The following E2F3 variants were observed in gnomAD, a reference collection of about 807,000 sequenced individuals.
E2F3 encodes transcription factor E2F3.
Under a neutral mutation model 44.4 loss-of-function variants are expected in E2F3, and 11 were observed. The ratio of observed to expected loss-of-function variants is 0.25; its 90% CI spans 0.16 to 0.41. The LOEUF is 0.41. Ranked by LOEUF, E2F3 falls within the 10% of genes least tolerant of loss-of-function variation. E2F3 has a pLI of 1.00. For missense variants in E2F3, 487 were observed against 583.6 expected (o/e 0.83, Z 1.70); for synonymous variants, 249 against 253.0 (o/e 0.98, Z 0.15).
intron 1 of E2F3, among the ~76,000 whole-genome samples, chr6:20,446,058 C>T (rs911842863): frequency 6.6e-6 from 1 of 152,156 alleles, no homozygotes; most frequent in African/African-American, 2.4e-5. Context: ...TGGGAGGAAC[C>T]CTGAGGACCC....
chr6:20,478,374 A>G (rs2127619174), intron 1 of E2F3, among the ~76,000 whole-genome samples: 1 of 152,348 alleles, frequency 6.6e-6, no homozygotes, highest in Admixed American at 6.5e-5. Context: ...AGCACATGTC[A>G]GTTTGGATGA....
chr6:20,436,304 G>C (rs115863032), intron 1 of E2F3, among the ~76,000 whole-genome samples: 4,163 of 152,218 alleles, frequency 0.027, 90 homozygotes, highest in African/African-American at 0.064. Context: ...TTACGATAGA[G>C]GAATGTTTGA....
intron 1 of E2F3, among the ~76,000 whole-genome samples, chr6:20,460,841 C>A (rs1761477785): frequency 6.6e-6 from 1 of 151,482 alleles, no homozygotes; most frequent in Non-Finnish European, 1.5e-5. Context: ...ACTAAAAATA[C>A]AAAAATTAGC....
chr6:20,443,354 T>C (rs1760836194), intron 1 of E2F3, among the ~76,000 whole-genome samples: 1 of 152,194 alleles, frequency 6.6e-6, no homozygotes, highest in Non-Finnish European at 1.5e-5. Context: ...AATCCCCAGT[T>C]TGGGATTATT....
chr6:20,478,030 C>CAA (rs34033254), intron 1 of E2F3, among the ~76,000 whole-genome samples: 1 of 142,358 alleles, frequency 7.0e-6, no homozygotes, highest in Admixed American at 7.0e-5. Context: ...CATCTCTACC[C>CAA]AAAAAAAAAA....
intron 1 of E2F3, among the ~76,000 whole-genome samples, chr6:20,462,370 C>T (rs1211677606): frequency 1.3e-5 from 2 of 151,806 alleles, no homozygotes; most frequent in Non-Finnish European, 2.9e-5. Context: ...ATGACATCTT[C>T]ATGTATGTGT....
intron 1 of E2F3, among the ~76,000 whole-genome samples, chr6:20,423,580 C>G (rs930601548): frequency 6.6e-6 from 1 of 151,938 alleles, no homozygotes; most frequent in South Asian, 2.1e-4. Flanking sequence ...AACCGATTCT[C>G]CTGCCTCAGC....
At chr6:20,457,733 T>G (rs1173867156) in intron 1 of E2F3, among the ~76,000 whole-genome samples, 1 of 152,186 alleles carries the variant, frequency 6.6e-6, no homozygotes, top group African/African-American at 2.4e-5. Context: ...CTTCCTATAA[T>G]CATTGAGCTG....
chr6:20,424,565 T>C (rs1201175166), intron 1 of E2F3, among the ~76,000 whole-genome samples: 1 of 151,376 alleles, frequency 6.6e-6, no homozygotes, highest in African/African-American at 2.4e-5. Flanking sequence ...TTGCTATAGA[T>C]AAGGAAAATC....
rs1258863577 is a variant in E2F3, at chr6:20,489,708, C to T, written c.1136-460C>T. On this transcript the variant is annotated intron_variant, in intron 6 of 6. Coordinates refer to ENST00000346618, the MANE Select transcript of E2F3 (RefSeq NM_001949.5). ...AAAGAAAGATGGCCAGGCATGGTGG[C>T]TCACACCTGTAATTTCAGCACTTTG... is the stretch of plus-strand genomic sequence containing the variant. Among the ~76,000 whole-genome samples, 5 of 152,092 alleles carry T rather than the reference C, an allele frequency of 3.3e-5. No individual in the cohort carries two copies. The East Asian group carries it at 9.8e-4, about 30-fold the overall frequency.
In E2F3 at chr6:20,491,092, A is replaced by G. The variant is rs1398307271; in HGVS notation, c.*662A>G. Reference sequence around the variant, plus strand: ...CAAATATACTTGTTGCAGATACAGAAGACTAGTAGAGTTCTGCCACTCTAA... The same window carrying G: ...CAAATATACTTGTTGCAGATACAGAGGACTAGTAGAGTTCTGCCACTCTAA... On this transcript the variant is annotated 3_prime_UTR_variant, in exon 7 of 7. Transcript: ENST00000346618. 3 of 231,118 alleles carry G rather than the reference A, an allele frequency of 1.3e-5. No homozygotes were observed. Among genetic ancestry groups the G allele is most frequent in the Non-Finnish European group, 2.6e-5 (3 of 116,430 alleles). 14.3% of individuals were successfully genotyped at this position (231,118 alleles called of 1,614,324 possible).
intron 5 of E2F3, among the ~76,000 whole-genome samples, chr6:20,487,466 A>G (rs1374329928): frequency 1.3e-5 from 2 of 152,210 alleles, no homozygotes; most frequent in Admixed American, 6.5e-5. Context: ...GGTATGCTGC[A>G]TTCTCTTAAT....
At chr6:20,459,288 G>C (rs1761419755) in intron 1 of E2F3, among the ~76,000 whole-genome samples, 1 of 152,048 alleles carries the variant, frequency 6.6e-6, no homozygotes, top group Non-Finnish European at 1.5e-5. Flanking sequence ...AACAAAAAAA[G>C]GTCATATAGC....
At chr6:20,476,176 C>G (rs1453259235) in intron 1 of E2F3, among the ~76,000 whole-genome samples, 2 of 152,074 alleles carry the variant, frequency 1.3e-5, no homozygotes, top group African/African-American at 4.8e-5. Flanking sequence ...TCAAGAAGAT[C>G]CTGGCTAACA....
intron 1 of E2F3, among the ~76,000 whole-genome samples, chr6:20,458,078 G>T (rs1283579977): frequency 6.6e-6 from 1 of 152,018 alleles, no homozygotes; most frequent in Non-Finnish European, 1.5e-5. Context: ...CTTTCTGTTT[G>T]ATTTTTCTTC....
chr6:20,414,886 G>A (rs756041062), intron 1 of E2F3, among the ~76,000 whole-genome samples: 8 of 152,150 alleles, frequency 5.3e-5, no homozygotes, highest in East Asian at 1.9e-4. Flanking sequence ...GCCAATTACC[G>A]TGTGTGACCT....
Position 20,491,368 on chromosome 6 carries a change from G to C in E2F3, c.*938G>C, listed in dbSNP as rs1379366036. On this transcript the variant is annotated 3_prime_UTR_variant, in exon 7 of 7. Coordinates refer to ENST00000346618, the MANE Select transcript of E2F3 (RefSeq NM_001949.5). ...AGAGGGAGAGAACCTCTACTGATCA[G>C]AGCATCTAAACCTGTGTGATCTAAG... 1 of 227,778 alleles carries C rather than the reference G, an allele frequency of 4.4e-6. No homozygotes were observed. Among genetic ancestry groups the C allele is most frequent in the African/African-American group, 2.2e-5 (1 of 44,962 alleles). The allele number at this position is 227,778 out of a possible 1,614,324, so 14.1% of individuals were successfully genotyped here.
At chr6:20,408,032 C>T (rs1038358758) in intron 1 of E2F3, among the ~76,000 whole-genome samples, 3 of 152,182 alleles carry the variant, frequency 2.0e-5, no homozygotes, top group African/African-American at 7.2e-5. Context: ...GTACTAAGTA[C>T]GTGGTTTAAT....
chr6:20,460,868 C>G (rs1761478687), intron 1 of E2F3, among the ~76,000 whole-genome samples: 1 of 151,634 alleles, frequency 6.6e-6, no homozygotes, highest in Non-Finnish European at 1.5e-5. Flanking sequence ...TGGTGGTGCA[C>G]ACCTGTAATC....
Sources: gnomAD v4.1 joint callset for allele counts (sites outside exome capture counted in the v4.1 genomes callset) on GRCh38, gnomAD v4.1.1 for gene constraint, MANE v1.5 for transcripts, NCBI Gene and HGNC (gene_info 2026-07-23, HGNC 2026-07-21) for gene names.